DCLK1: variants seen among roughly 807,000 people sequenced by gnomAD.
DCLK1 encodes doublecortin like kinase 1.
Under a neutral mutation model 86.2 loss-of-function variants are expected in DCLK1, and 16 were observed. The observed-to-expected ratio is 0.19, with a 90% confidence interval of 0.13 to 0.28. The LOEUF (loss-of-function observed/expected upper bound fraction) is 0.28, where lower values mean the gene tolerates loss of function less well. Ranked by LOEUF, DCLK1 falls within the 10% of genes least tolerant of loss-of-function variation. The probability of loss-of-function intolerance (pLI) is 1.00; values close to 1 mark genes in which losing one functional copy is unlikely to be tolerated. For synonymous variants in DCLK1, 369 were observed against 370.5 expected, an observed-to-expected ratio of 1.00 and a Z score of 0.05; for missense variants, 590 against 940.2, an observed-to-expected ratio of 0.63 and a Z score of 4.87.
At chr13:36,025,633 G>A (rs1593828268) in intron 3 of DCLK1, among the ~76,000 whole-genome samples, 1 of 152,094 alleles carries the variant, frequency 6.6e-6, no homozygotes, top group Non-Finnish European at 1.5e-5. Flanking sequence ...AATGCAAAAC[G>A]AACCAAAGGC....
chr13:35,832,365 C>T (rs2153106863), intron 8 of DCLK1, among the ~76,000 whole-genome samples: 1 of 152,258 alleles, frequency 6.6e-6, no homozygotes, highest in East Asian at 1.9e-4. Flanking sequence ...CATGGTTTCT[C>T]TTGTTGCTGT....
chr13:36,067,636 C>T (rs1036300411), intron 3 of DCLK1, among the ~76,000 whole-genome samples: 2 of 152,068 alleles, frequency 1.3e-5, no homozygotes, highest in Non-Finnish European at 2.9e-5. Flanking sequence ...TCTTTTGCAT[C>T]ATAATTCAGA....
chr13:36,128,151 A>G (rs1439695913), intron 1 of DCLK1, among the ~76,000 whole-genome samples: 1 of 152,168 alleles, frequency 6.6e-6, no homozygotes, highest in Non-Finnish European at 1.5e-5. Flanking sequence ...AAGCATGACT[A>G]GAGATTTGGT....
rs1042429368 is a variant in DCLK1, at chr13:35,930,203, C to A, written c.823+17155G>T. On this transcript the variant is annotated intron_variant, in intron 4 of 16. Transcript: ENST00000360631. ...GAAGTAGATATTTAACTTTCCAGAA[C>A]GTTTTTGTTTAAACCCAAGAATACT... Among the ~76,000 whole-genome samples, 13 of 152,308 alleles carry A rather than the reference C, an allele frequency of 8.5e-5. No homozygotes were observed. The East Asian group carries it at 1.3e-3, about 16-fold the overall frequency.
In DCLK1 at chr13:35,768,877, G is replaced by A. The variant is rs751721175; in HGVS notation, c.*5658C>T. 9 of 152,150 alleles carry A rather than the reference G, an allele frequency of 5.9e-5. No individual in the cohort carries two copies. Among genetic ancestry groups the A allele is most frequent in the Admixed American group, 1.3e-4 (2 of 15,282 alleles). The allele number at this position is 152,150 out of a possible 1,614,324, so 9.4% of individuals were successfully genotyped here. Reference sequence around the variant, plus strand: ...AAGAACACAGCTGGGCTATTCCTTCGTGAACTGAATGTGTCAATTGTGAAT... The same window carrying A: ...AAGAACACAGCTGGGCTATTCCTTCATGAACTGAATGTGTCAATTGTGAAT... On this transcript the variant is annotated 3_prime_UTR_variant, in exon 17 of 17. Coordinates refer to ENST00000360631, the MANE Select transcript of DCLK1 (RefSeq NM_001330071.2).
chr13:35,867,957 G>GAAAGAAAGAAAGAAAGAAAGAGAA (rs1871966236), intron 5 of DCLK1, among the ~76,000 whole-genome samples: 1 of 144,522 alleles, frequency 6.9e-6, no homozygotes, highest in Non-Finnish European at 1.5e-5. Flanking sequence ...AAGAAAGAAA[G>GAAAGAAAGAAAGAAAGAAAGAGAA]AAAGAAAGAG....
chr13:35,782,294 C>T (rs542641502), intron 16 of DCLK1, among the ~76,000 whole-genome samples: 1 of 152,134 alleles, frequency 6.6e-6, no homozygotes, highest in East Asian at 1.9e-4. Flanking sequence ...CAATTGGTGG[C>T]GGTTGAGCTC....
chr13:36,002,910 C>T (rs1880782608), intron 3 of DCLK1, among the ~76,000 whole-genome samples: 1 of 152,158 alleles, frequency 6.6e-6, no homozygotes. Flanking sequence ...ATGGCTGCAC[C>T]CTGAGGGCTG....
chr13:35,985,292 G>A (rs184886367), intron 3 of DCLK1, among the ~76,000 whole-genome samples: 1 of 152,216 alleles, frequency 6.6e-6, no homozygotes, highest in Admixed American at 6.5e-5. Flanking sequence ...GCCATCCTTA[G>A]GGATCTACAG....
chr13:35,873,772 A>C (rs1399939108), intron 4 of DCLK1, among the ~76,000 whole-genome samples: 1 of 152,144 alleles, frequency 6.6e-6, no homozygotes, highest in East Asian at 1.9e-4. Context: ...AATCTTTGCC[A>C]ATTTCTAAAC....
chr13:35,794,179 G>C (rs912926061), intron 15 of DCLK1, among the ~76,000 whole-genome samples: 1 of 152,194 alleles, frequency 6.6e-6, no homozygotes, highest in Admixed American at 6.5e-5. Context: ...ACAATAACCA[G>C]GGTCATAAGT....
chr13:35,919,806 A>T (rs180758163), intron 4 of DCLK1, among the ~76,000 whole-genome samples: 53 of 146,650 alleles, frequency 3.6e-4, no homozygotes, highest in Non-Finnish European at 6.1e-4. Context: ...CTCAAAAAAA[A>T]TTTTTTTTCA....
Position 35,836,194 on chromosome 13 carries a change from G to A in DCLK1, c.1121-53C>T, listed in dbSNP as rs1039670958. On this transcript the variant is annotated intron_variant, in intron 7 of 16. Coordinates refer to ENST00000360631, the MANE Select transcript of DCLK1 (RefSeq NM_001330071.2). Reference sequence around the variant, plus strand: ...TGGTTGAAAAGGGAACACAGATGTTGCACAAGGAAACATTTAAAAGTATCA... The same window carrying A: ...TGGTTGAAAAGGGAACACAGATGTTACACAAGGAAACATTTAAAAGTATCA... 1.8e-5 allele frequency: 26 copies of A among 1,408,998 alleles called. No individual in the cohort carries two copies. In the Admixed American group the frequency reaches 4.7e-4, roughly 25 times the overall value. 87.3% of individuals were successfully genotyped at this position (1,408,998 alleles called of 1,614,324 possible).
At chr13:36,006,825 G>C (rs1880987630) in intron 3 of DCLK1, among the ~76,000 whole-genome samples, 1 of 152,186 alleles carries the variant, frequency 6.6e-6, no homozygotes, top group African/African-American at 2.4e-5. Context: ...CAGGTTCTTA[G>C]CTTAAGTTTC....
At chr13:36,028,754 C>T (rs1278376814) in intron 3 of DCLK1, among the ~76,000 whole-genome samples, 2 of 152,198 alleles carry the variant, frequency 1.3e-5, no homozygotes, top group Non-Finnish European at 2.9e-5. Flanking sequence ...CCTGCCAAAA[C>T]CCACCAAAAC....
At chr13:36,008,338 G>A (rs1181653442) in intron 3 of DCLK1, among the ~76,000 whole-genome samples, 1 of 94,938 alleles carries the variant, frequency 1.1e-5, no homozygotes, top group Non-Finnish European at 2.0e-5. Context: ...TCGTCATCTA[G>A]CATTAGGTAT....
At chr13:35,983,021 C>T (rs2153141997) in intron 3 of DCLK1, among the ~76,000 whole-genome samples, 1 of 152,264 alleles carries the variant, frequency 6.6e-6, no homozygotes, top group Non-Finnish European at 1.5e-5. Context: ...GCCATGGCCT[C>T]TCAAAGTGTT....
At chr13:36,089,281 C>CACATTACATT (rs1884731928) in intron 3 of DCLK1, among the ~76,000 whole-genome samples, 1 of 152,198 alleles carries the variant, frequency 6.6e-6, no homozygotes, top group South Asian at 2.1e-4. Flanking sequence ...GAGAAAACCT[C>CACATTACATT]ACATTACAAA....
chr13:36,084,880 A>T (rs534134980), intron 3 of DCLK1, among the ~76,000 whole-genome samples: 39 of 152,352 alleles, frequency 2.6e-4, no homozygotes, highest in Non-Finnish European at 2.9e-5. Context: ...TAAAATTGTT[A>T]TACCATTTTC....
Sources: allele counts gnomAD v4.1 joint callset (sites outside exome capture counted in the v4.1 genomes callset), GRCh38; gene constraint gnomAD v4.1.1; transcripts MANE v1.5; gene names NCBI Gene and HGNC (gene_info 2026-07-23, HGNC 2026-07-21).